C12orf42: variants seen among roughly 807,000 people sequenced by gnomAD.
The protein encoded by C12orf42 is chromosome 12 open reading frame 42.
In C12orf42, 25 loss-of-function variants were observed where a neutral mutation model predicts 21.6. The ratio of observed to expected loss-of-function variants is 1.16; its 90% CI spans 0.84 to 1.62. The LOEUF (loss-of-function observed/expected upper bound fraction) is 1.62, where lower values mean the gene tolerates loss of function less well. C12orf42 is among the 40% of genes most tolerant of loss of function. The pLI, the probability that C12orf42 is intolerant of heterozygous loss-of-function variation, is 0.00. For synonymous variants in C12orf42, 174 were observed against 175.0 expected (o/e 0.99, Z 0.05); for missense variants, 483 against 459.3 (o/e 1.05, Z -0.47).
chr12:103,206,631 T>C, the C12orf42 span, among the ~76,000 whole-genome samples: 9 of 152,170 alleles, frequency 5.9e-5, no homozygotes, highest in Non-Finnish European at 1.2e-4. Context: ...TCTCACTGTC[T>C]CGCCCAAGCT....
the C12orf42 span, among the ~76,000 whole-genome samples, chr12:103,133,588 C>T: frequency 6.6e-6 from 1 of 152,160 alleles, no homozygotes; most frequent in African/African-American, 2.4e-5. Context: ...AACAAACAAA[C>T]AAAAACCACA....
chr12:103,307,515 A>G (rs1404745561), intron 4 of C12orf42, among the ~76,000 whole-genome samples: 1 of 152,186 alleles, frequency 6.6e-6, no homozygotes, highest in Non-Finnish European at 1.5e-5. Context: ...CAGGAAAAAA[A>G]GTCCCCAATT....
chr12:103,312,929 T>C (rs1424959572), intron 4 of C12orf42, among the ~76,000 whole-genome samples: 3 of 152,210 alleles, frequency 2.0e-5, no homozygotes, highest in Admixed American at 2.0e-4. Flanking sequence ...AAGACAAATA[T>C]GTTAACTCCT....
intron 4 of C12orf42, among the ~76,000 whole-genome samples, chr12:103,355,441 T>G (rs769453644): frequency 2.0e-5 from 3 of 152,146 alleles, no homozygotes; most frequent in Non-Finnish European, 4.4e-5. Context: ...TTTTGGCTGG[T>G]CATTGACCCG....
At chr12:103,284,002 A>G (rs2036287794) in intron 4 of C12orf42, among the ~76,000 whole-genome samples, 1 of 152,214 alleles carries the variant, frequency 6.6e-6, no homozygotes, top group African/African-American at 2.4e-5. Context: ...AACTTCACTT[A>G]AGACACTATT....
chr12:103,071,049 A>AT, the C12orf42 span, among the ~76,000 whole-genome samples: 1 of 152,028 alleles, frequency 6.6e-6, no homozygotes, highest in East Asian at 1.9e-4. Flanking sequence ...GTATTTCCTG[A>AT]TTTTTTTCCC....
chr12:103,097,843 G>T, the C12orf42 span, among the ~76,000 whole-genome samples: 1 of 152,204 alleles, frequency 6.6e-6, no homozygotes, highest in Non-Finnish European at 1.5e-5. Flanking sequence ...CACTCATGCG[G>T]ATGGGACACA....
chr12:103,060,197 A>G, the C12orf42 span, among the ~76,000 whole-genome samples: 1 of 152,178 alleles, frequency 6.6e-6, no homozygotes, highest in African/African-American at 2.4e-5. Context: ...ATAGACAGAG[A>G]GCCAAATCAT....
the C12orf42 span, among the ~76,000 whole-genome samples, chr12:103,206,545 CAT>C: frequency 0.019 from 2,930 of 151,102 alleles, 34 homozygotes; most frequent in East Asian, 0.029. Flanking sequence ...CACACACACA[CAT>C]GATTAAAAAG....
At chr12:103,148,898 T>A in the C12orf42 span, among the ~76,000 whole-genome samples, 1 of 152,172 alleles carries the variant, frequency 6.6e-6, no homozygotes. Flanking sequence ...AGAAAATTAT[T>A]TGCCCATTAT....
chr12:103,096,305 AT>A, the C12orf42 span, among the ~76,000 whole-genome samples: 1 of 152,054 alleles, frequency 6.6e-6, no homozygotes, highest in East Asian at 1.9e-4. Flanking sequence ...GAATGGAATA[AT>A]TTTTTTTCAA....
the C12orf42 span, among the ~76,000 whole-genome samples, chr12:103,130,681 C>A: frequency 6.6e-6 from 1 of 152,096 alleles, no homozygotes; most frequent in Non-Finnish European, 1.5e-5. Flanking sequence ...TCAATGGCAG[C>A]CTCCACCAAG....
the C12orf42 span, among the ~76,000 whole-genome samples, chr12:103,058,736 T>G: frequency 6.6e-6 from 1 of 152,206 alleles, no homozygotes; most frequent in South Asian, 2.1e-4. Flanking sequence ...GACTACTGGG[T>G]AAATAACGAA....
upstream of C12orf42, among the ~76,000 whole-genome samples, chr12:103,497,894 G>C (rs138367692): frequency 6.3e-3 from 964 of 152,250 alleles, 12 homozygotes; most frequent in African/African-American, 0.022. Context: ...AATTAGCCGG[G>C]TGTGGTGGCA....
intron 4 of C12orf42, among the ~76,000 whole-genome samples, chr12:103,357,375 C>T (rs1347304753): frequency 3.3e-5 from 5 of 151,898 alleles, no homozygotes; most frequent in African/African-American, 4.8e-5. Context: ...CTGTTCTCTT[C>T]ATGCCACATG....
At chr12:103,187,902 G>A in the C12orf42 span, among the ~76,000 whole-genome samples, 229 of 152,276 alleles carry the variant, frequency 1.5e-3, 1 homozygote, top group African/African-American at 5.1e-3. Context: ...GATTTAAGGA[G>A]GCTTACAAAA....
chr12:103,108,115 A>G, the C12orf42 span, among the ~76,000 whole-genome samples: 2 of 151,282 alleles, frequency 1.3e-5, no homozygotes, highest in Non-Finnish European at 3.0e-5. Flanking sequence ...AAACCTATTA[A>G]AATAAATAAT....
chr12:103,265,147 C>G (rs2373979), downstream of C12orf42, among the ~76,000 whole-genome samples: 43,319 of 151,916 alleles, frequency 0.29, 6,351 homozygotes, highest in East Asian at 0.52. Context: ...AGGGCACAAT[C>G]TCTTTCATAA....
chr12:103,465,082 G>A (rs144266294), intron 2 of C12orf42, among the ~76,000 whole-genome samples: 93 of 151,766 alleles, frequency 6.1e-4, no homozygotes, highest in Admixed American at 2.4e-3. Context: ...TTGGCTATAC[G>A]AGCTCTTTCT....
Sources: gnomAD v4.1 joint callset for allele counts (sites outside exome capture counted in the v4.1 genomes callset) on GRCh38, gnomAD v4.1.1 for gene constraint, MANE v1.5 for transcripts, NCBI Gene and HGNC (gene_info 2026-07-23, HGNC 2026-07-21) for gene names.